Variants in PLCB4 observed in about 807,000 individuals in gnomAD.
PLCB4 encodes the protein phospholipase C beta 4, also known as 1-phosphatidylinositol 4,5-bisphosphate phosphodiesterase beta-4.
A neutral mutation model predicts 178.8 loss-of-function variants in PLCB4; 77 were observed. The observed-to-expected ratio is 0.43, with a 90% CI of 0.36 to 0.52. The LOEUF is 0.52. PLCB4 is among the 20% of genes least tolerant of loss of function. The pLI is 0.00. For synonymous variants in PLCB4, 496 were observed against 490.8 expected (o/e 1.01, Z -0.14); for missense variants, 1,024 against 1,453.4 (o/e 0.70, Z 4.80).
At chr20:9,119,464 T>C (rs1334823204) in intron 2 of PLCB4, among the ~76,000 whole-genome samples, 1 of 151,822 alleles carries the variant, frequency 6.6e-6, no homozygotes, top group African/African-American at 2.4e-5. Flanking sequence ...TCACAAATAG[T>C]TTAATAGCTT....
At position 9,164,871 on chromosome 20, in the gene PLCB4, G is replaced by T. The variant is rs576720321; in HGVS notation, c.-78-52519G>T. ...GCTAGGACTTGAGACTGATGGAAAC[G>T]TTTGAGGTAGAGTCAGGTTTTACAC... On this transcript the variant is annotated intron_variant, in intron 2 of 39. Transcript: ENST00000378473. 1.4e-4 allele frequency among the ~76,000 whole-genome samples: 21 copies of T among 152,270 alleles called. No homozygotes were observed. The South Asian group carries it at 4.4e-3, about 32-fold the overall frequency.
chr20:9,214,918 A>G (rs550013767), intron 2 of PLCB4, among the ~76,000 whole-genome samples: 1 of 152,272 alleles, frequency 6.6e-6, no homozygotes, highest in South Asian at 2.1e-4. Flanking sequence ...TTTATGTTAG[A>G]TAGTTGCTAG....
chr20:9,365,862 A>G (rs994913685), intron 9 of PLCB4, among the ~76,000 whole-genome samples: 5 of 152,154 alleles, frequency 3.3e-5, no homozygotes, highest in African/African-American at 1.2e-4. Context: ...CTTAAAGAAG[A>G]TTTTATTGTG....
At chr20:9,457,974 A>G (rs2043157344) in intron 34 of PLCB4, among the ~76,000 whole-genome samples, 1 of 152,158 alleles carries the variant, frequency 6.6e-6, no homozygotes, top group Non-Finnish European at 1.5e-5. Context: ...TAAAGACAGG[A>G]GAAAATAGGA....
At chr20:9,441,942 G>A (rs2148665926) in intron 30 of PLCB4, among the ~76,000 whole-genome samples, 3 of 151,870 alleles carry the variant, frequency 2.0e-5, no homozygotes. Flanking sequence ...TAAGAACAAA[G>A]GATTAAGAAC....
intron 17 of PLCB4, among the ~76,000 whole-genome samples, chr20:9,392,429 C>T (rs2038225291): frequency 6.6e-6 from 1 of 152,154 alleles, no homozygotes; most frequent in Non-Finnish European, 1.5e-5. Context: ...GTTATAAAGT[C>T]ATTTACTTGG....
rs185559449 is a variant in PLCB4 at position 9,183,814 on chromosome 20, G to A, written c.-78-33576G>A. The stretch of plus-strand genomic sequence containing the variant: ...TCACTGGTATTAGGCTGAACCATAC[G>A]AAATTGCTGTTTTTGTTGATCAAAA... On this transcript the variant is annotated intron_variant, in intron 2 of 39. Coordinates refer to ENST00000378473, the MANE Select transcript of PLCB4 (RefSeq NM_001377142.1). Among the ~76,000 whole-genome samples, 796 of 152,198 alleles carry A rather than the reference G, an allele frequency of 5.2e-3. 10 individuals carry two copies. Among genetic ancestry groups the A allele is most frequent in the African/African-American group, 0.018 (761 of 41,526 alleles).
At chr20:9,193,670 AT>A (rs1014159815) in intron 2 of PLCB4, among the ~76,000 whole-genome samples, 7 of 152,192 alleles carry the variant, frequency 4.6e-5, no homozygotes, top group Non-Finnish European at 8.8e-5. Flanking sequence ...TCTTTTTAAA[AT>A]TTTACTATTT....
intron 2 of PLCB4, among the ~76,000 whole-genome samples, chr20:9,134,963 G>A (rs1600646883): frequency 6.6e-6 from 1 of 152,092 alleles, no homozygotes; most frequent in Admixed American, 6.6e-5. Context: ...TTGCCATTGA[G>A]TAGGTAAGCA....
At chr20:9,407,642 G>A (rs984961484) in intron 21 of PLCB4, among the ~76,000 whole-genome samples, 4 of 152,050 alleles carry the variant, frequency 2.6e-5, no homozygotes, top group Admixed American at 6.6e-5. Flanking sequence ...CACCGTTCCC[G>A]GCCAGTAATT....
rs1049555517 is a variant in PLCB4 at position 9,206,314 on chromosome 20, T to C, written c.-78-11076T>C. ...TTTCTTTTTTCTTTTTTTTTTTTTT[T>C]TTTTTTTTGGTCAGTTTTTCAGTAA... is the stretch of plus-strand genomic sequence containing the variant. On this transcript the variant is annotated intron_variant, in intron 2 of 39. Transcript: ENST00000378473. 4.0e-4 allele frequency among the ~76,000 whole-genome samples: 60 copies of C among 149,420 alleles called. No individual in the cohort carries two copies. In the South Asian group the frequency reaches 4.7e-3, roughly 12 times the overall value.
At chr20:9,079,100 G>T (rs2090020837) in intron 1 of PLCB4, among the ~76,000 whole-genome samples, 1 of 152,160 alleles carries the variant, frequency 6.6e-6, no homozygotes, top group African/African-American at 2.4e-5. Context: ...AAGAAAGTCT[G>T]TGCTAGGTTT....
chr20:9,364,414 ACTT>A (rs1343495895), intron 8 of PLCB4, among the ~76,000 whole-genome samples: 3 of 152,110 alleles, frequency 2.0e-5, no homozygotes, highest in African/African-American at 7.2e-5. Context: ...AGACCTGTCC[ACTT>A]CTTCAGAGCA....
intron 15 of PLCB4, among the ~76,000 whole-genome samples, 186 bp downstream of exon 15, chr20:9,387,742 G>T (rs1340190410): frequency 6.6e-6 from 1 of 152,182 alleles, no homozygotes; most frequent in Non-Finnish European, 1.5e-5. Context: ...TCATGATACT[G>T]TTCTTGCTTT....
chr20:9,420,418 ACCT>A (rs1210086089), intron 26 of PLCB4, among the ~76,000 whole-genome samples: 1 of 151,282 alleles, frequency 6.6e-6, no homozygotes, highest in Non-Finnish European at 1.5e-5. Context: ...GCTCACTGCA[ACCT>A]CCTCCTCCCG....
chr20:9,274,059 A>G (rs1291423097), intron 3 of PLCB4, among the ~76,000 whole-genome samples: 1 of 152,044 alleles, frequency 6.6e-6, no homozygotes, highest in Non-Finnish European at 1.5e-5. Flanking sequence ...TTCGTAACTG[A>G]TTGGCTGGAT....
At chr20:9,090,507 AGT>A (rs201303284) in intron 1 of PLCB4, among the ~76,000 whole-genome samples, 3,367 of 121,986 alleles carry the variant, frequency 0.028, 117 homozygotes, top group African/African-American at 0.09. Flanking sequence ...ACACATTTTT[AGT>A]GTGTTTTTTT....
At chr20:9,170,614 A>G (rs1203674900) in intron 2 of PLCB4, among the ~76,000 whole-genome samples, 6 of 152,210 alleles carry the variant, frequency 3.9e-5, no homozygotes, top group Non-Finnish European at 8.8e-5. Flanking sequence ...AGCCTGAAAT[A>G]TAAGTTGGTT....
At chr20:9,375,701 A>T (rs1259880856) in intron 12 of PLCB4, among the ~76,000 whole-genome samples, 2 of 152,178 alleles carry the variant, frequency 1.3e-5, no homozygotes, top group Non-Finnish European at 2.9e-5. Flanking sequence ...TCCCATGAAC[A>T]CTGGAAAGGA....
Sources: allele counts gnomAD v4.1 joint callset (sites outside exome capture counted in the v4.1 genomes callset), GRCh38; gene constraint gnomAD v4.1.1; transcripts MANE v1.5; gene names NCBI Gene and HGNC (gene_info 2026-07-23, HGNC 2026-07-21).